The following EPC2 variants were observed in gnomAD, a reference collection of about 807,000 sequenced individuals.
EPC2 encodes the protein enhancer of polycomb 2.
EPC2 carries 14 observed loss-of-function variants against 92.1 expected under a neutral mutation model. That is an observed-to-expected ratio of 0.15 (90% CI 0.10 to 0.24). The LOEUF is 0.24. Among genes scored for constraint, EPC2 ranks in the 10% least tolerant of loss-of-function variants. The pLI is 1.00. For missense variants in EPC2, 755 were observed against 971.5 expected, an observed-to-expected ratio of 0.78 and a Z score of 2.96; for synonymous variants, 340 against 334.7, an observed-to-expected ratio of 1.02 and a Z score of -0.17.
intron 1 of EPC2, among the ~76,000 whole-genome samples, chr2:148,677,879 A>G (rs1211367954): frequency 6.6e-6 from 1 of 152,064 alleles, no homozygotes; most frequent in Non-Finnish European, 1.5e-5. Flanking sequence ...GCAGACCTTC[A>G]CGGTGAGTGT....
intron 6 of EPC2, among the ~76,000 whole-genome samples, chr2:148,763,672 CT>C (rs2105424769): frequency 6.6e-6 from 1 of 152,254 alleles, no homozygotes; most frequent in East Asian, 1.9e-4. Context: ...AATTAAAACA[CT>C]AAAGTTCTTT....
chr2:148,693,848 GTC>G (rs1681688642), intron 2 of EPC2, among the ~76,000 whole-genome samples: 4 of 152,068 alleles, frequency 2.6e-5, no homozygotes, highest in Admixed American at 2.0e-4. Flanking sequence ...TTTTTCTGAC[GTC>G]TCTCAGCATT....
intron 1 of EPC2, among the ~76,000 whole-genome samples, chr2:148,656,287 TAA>T (rs1416189976): frequency 6.6e-6 from 1 of 152,202 alleles, no homozygotes; most frequent in East Asian, 1.9e-4. Flanking sequence ...CCGTCATTCC[TAA>T]GTGGCAGTTT....
intron 2 of EPC2, among the ~76,000 whole-genome samples, chr2:148,699,528 T>C (rs992820846): frequency 6.6e-6 from 1 of 152,248 alleles, no homozygotes; most frequent in African/African-American, 2.4e-5. Flanking sequence ...TGGAATTATA[T>C]AATACATAGC....
rs931787809 is a variant in EPC2, at chr2:148,786,811, A to G, written c.*434A>G. ...GTTAAAGATTCATAGCTAGGAAATG[A>G]AATTCTTGTAATTTTTTTCTAAAGG... On this transcript the variant is annotated 3_prime_UTR_variant, in exon 14 of 14. Transcript: ENST00000258484. The G allele has an allele frequency of 6.5e-6, 1 of 153,054 alleles. No homozygotes were observed. The highest frequency in any genetic ancestry group is 1.9e-4 in the East Asian group (1 of 5,204). 9.5% of individuals were successfully genotyped at this position (153,054 alleles called of 1,614,324 possible).
At chr2:148,766,571 A>G (rs1466159731) in intron 7 of EPC2, among the ~76,000 whole-genome samples, 1 of 152,214 alleles carries the variant, frequency 6.6e-6, no homozygotes, top group Non-Finnish European at 1.5e-5. Flanking sequence ...AATGAGGGAT[A>G]TAGTGCCCTA....
intron 3 of EPC2, among the ~76,000 whole-genome samples, chr2:148,746,543 G>A (rs1485331331): frequency 6.6e-6 from 1 of 152,078 alleles, no homozygotes; most frequent in African/African-American, 2.4e-5. Context: ...TCTTTCCAGT[G>A]TGACAGACAA....
chr2:148,659,880 C>T (rs778271731), intron 1 of EPC2, among the ~76,000 whole-genome samples: 3 of 152,004 alleles, frequency 2.0e-5, no homozygotes, highest in African/African-American at 7.2e-5. Flanking sequence ...TACAGATGGT[C>T]GTTGGAAAGG....
In EPC2 at chr2:148,651,772, A is replaced by G. The variant is rs73016781; in HGVS notation, c.153+6602A>G. On this transcript the variant is annotated intron_variant, in intron 1 of 13. Coordinates refer to ENST00000258484, the MANE Select transcript of EPC2 (RefSeq NM_015630.4). ...GTTGTTGAGTGTTTGAGCATGTGCC[A>G]GGCACTTTGTTAAACTTAATAGATG... Among the ~76,000 whole-genome samples the G allele has an allele frequency of 1.0e-2, 1,523 of 152,332 alleles. 24 individuals are homozygous for G. Among genetic ancestry groups the G allele is most frequent in the African/African-American group, 0.034 (1,428 of 41,570 alleles).
At chr2:148,785,759 T>G (rs1393734288) in intron 13 of EPC2, among the ~76,000 whole-genome samples, 2 of 152,244 alleles carry the variant, frequency 1.3e-5, no homozygotes, top group Admixed American at 6.5e-5. Flanking sequence ...CCTTATTTAC[T>G]TTTATGGATT....
intron 3 of EPC2, among the ~76,000 whole-genome samples, chr2:148,744,002 A>G (rs896091429): frequency 4.6e-5 from 7 of 152,092 alleles, no homozygotes; most frequent in Admixed American, 2.6e-4. Flanking sequence ...ACTAGTCACA[A>G]TGTTATAATA....
chr2:148,702,502 G>A (rs369703590), intron 2 of EPC2, among the ~76,000 whole-genome samples: 4 of 152,270 alleles, frequency 2.6e-5, no homozygotes, highest in East Asian at 3.9e-4. Context: ...TAATGAAAGA[G>A]CATCTCTGGA....
chr2:148,674,568 T>C (rs1681225735), intron 1 of EPC2, among the ~76,000 whole-genome samples: 1 of 152,202 alleles, frequency 6.6e-6, no homozygotes. Flanking sequence ...AATTCTGTTC[T>C]CAGTGGACCC....
chr2:148,726,765 G>GTTTTTTTTTTTTTTTTCTTTTTTTTTTT (rs201293391), intron 2 of EPC2, among the ~76,000 whole-genome samples: 1 of 100,608 alleles, frequency 9.9e-6, no homozygotes, highest in Non-Finnish European at 2.0e-5. Context: ...TTTGTTTTTT[G>GTTTTTTTTTTTTTTTTCTTTTTTTTTTT]TTTTTTTTTT....
At chr2:148,773,945 G>A (rs941739969) in intron 10 of EPC2, among the ~76,000 whole-genome samples, 3 of 151,998 alleles carry the variant, frequency 2.0e-5, no homozygotes, top group Non-Finnish European at 2.9e-5. Flanking sequence ...TAATCCATGC[G>A]TCTTGAACAC....
intron 2 of EPC2, among the ~76,000 whole-genome samples, chr2:148,740,462 C>G (rs1682860675): frequency 2.0e-5 from 3 of 152,112 alleles, no homozygotes; most frequent in Admixed American, 2.0e-4. Flanking sequence ...AATACTTAGA[C>G]TGCTAGTGCA....
chr2:148,694,585 T>A (rs1005136485), intron 2 of EPC2, among the ~76,000 whole-genome samples: 3 of 152,190 alleles, frequency 2.0e-5, no homozygotes, highest in Non-Finnish European at 4.4e-5. Context: ...CCTCTTGGAG[T>A]TCAATAATTT....
At chr2:148,734,825 C>T (rs1682719339) in intron 2 of EPC2, among the ~76,000 whole-genome samples, 1 of 149,504 alleles carries the variant, frequency 6.7e-6, no homozygotes, top group Non-Finnish European at 1.5e-5. Flanking sequence ...TTTAACTCAG[C>T]CTAATTCCAT....
At chr2:148,776,924 G>A (rs1379997324) in intron 10 of EPC2, among the ~76,000 whole-genome samples, 3 of 139,554 alleles carry the variant, frequency 2.1e-5, no homozygotes, top group Non-Finnish European at 4.5e-5. Context: ...GCAATGGCAC[G>A]ATTCCGGCTC....
Sources: allele counts gnomAD v4.1 joint callset (sites outside exome capture counted in the v4.1 genomes callset), GRCh38; gene constraint gnomAD v4.1.1; transcripts MANE v1.5; gene names NCBI Gene and HGNC (gene_info 2026-07-23, HGNC 2026-07-21).